GUCY1A2: variants seen among roughly 807,000 people sequenced by gnomAD.
GUCY1A2 encodes the protein guanylate cyclase soluble subunit alpha-2.
Under a neutral mutation model 63.5 loss-of-function variants are expected in GUCY1A2, and 27 were observed. The observed-to-expected ratio is 0.43, with a 90% CI of 0.31 to 0.59. GUCY1A2 has a LOEUF of 0.59. Ranked by LOEUF, GUCY1A2 falls within the 20% of genes least tolerant of loss-of-function variation. The pLI, the probability that GUCY1A2 is intolerant of heterozygous loss-of-function variation, is 0.11. For missense variants in GUCY1A2, 768 were observed against 913.3 expected (o/e 0.84, Z 2.05); for synonymous variants, 364 against 343.5 (o/e 1.06, Z -0.66).
At chr11:106,739,261 G>A (rs1863647093) in intron 6 of GUCY1A2, among the ~76,000 whole-genome samples, 1 of 152,154 alleles carries the variant, frequency 6.6e-6, no homozygotes, top group South Asian at 2.1e-4. Flanking sequence ...AGATGTTGCT[G>A]AAGTTGCTTT....
At chr11:106,804,294 CAT>C (rs1379858298) in intron 5 of GUCY1A2, among the ~76,000 whole-genome samples, 3 of 152,050 alleles carry the variant, frequency 2.0e-5, no homozygotes, top group Non-Finnish European at 4.4e-5. Context: ...AGAGAACTAA[CAT>C]AAATCTGAAA....
At chr11:106,811,008 T>C (rs901180596) in intron 4 of GUCY1A2, among the ~76,000 whole-genome samples, 1 of 152,096 alleles carries the variant, frequency 6.6e-6, no homozygotes, top group African/African-American at 2.4e-5. Flanking sequence ...ACTTGTTAGG[T>C]TAGTGGACAG....
intron 6 of GUCY1A2, among the ~76,000 whole-genome samples, chr11:106,729,929 G>A (rs1283215746): frequency 1.3e-5 from 2 of 151,042 alleles, no homozygotes; most frequent in African/African-American, 4.9e-5. Context: ...AATTATCTTT[G>A]TGGAATGCAT....
rs185912889 is a variant in GUCY1A2 at position 106,704,988 on chromosome 11, T to C, written c.1991+3524A>G. Among the ~76,000 whole-genome samples, 9 of 151,766 alleles carry C rather than the reference T, an allele frequency of 5.9e-5. No homozygotes were observed. The East Asian group carries it at 1.7e-3, about 29-fold the overall frequency. On this transcript the variant is annotated intron_variant, in intron 7 of 7. Transcript: ENST00000526355. ...ATCCCATAAAAAACTTATCCCATCA[T>C]TGGGATGATGGGAACAAAAATGTGT...
At chr11:106,703,255 A>G (rs1468330436) in intron 7 of GUCY1A2, among the ~76,000 whole-genome samples, 1 of 152,130 alleles carries the variant, frequency 6.6e-6, no homozygotes, top group Non-Finnish European at 1.5e-5. Flanking sequence ...ATACTCCTTA[A>G]TAAACTCCCC....
At chr11:106,942,498 A>T (rs555166872) in intron 3 of GUCY1A2, among the ~76,000 whole-genome samples, 2 of 152,202 alleles carry the variant, frequency 1.3e-5, no homozygotes, top group Non-Finnish European at 2.9e-5. Flanking sequence ...CAGAATAAAT[A>T]AAAATTCCTA....
chr11:106,843,774 T>C (rs1428154907), intron 4 of GUCY1A2, among the ~76,000 whole-genome samples: 1 of 151,926 alleles, frequency 6.6e-6, no homozygotes, highest in Non-Finnish European at 1.5e-5. Context: ...CCTGACACAA[T>C]ACTAATTATT....
chr11:106,813,342 C>A (rs1858789565), intron 4 of GUCY1A2, among the ~76,000 whole-genome samples: 1 of 151,860 alleles, frequency 6.6e-6, no homozygotes, highest in Non-Finnish European at 1.5e-5. Context: ...TTCTGTTAAA[C>A]TATCTTCATT....
At chr11:106,753,421 T>G (rs1267149775) in intron 6 of GUCY1A2, among the ~76,000 whole-genome samples, 3 of 152,216 alleles carry the variant, frequency 2.0e-5, no homozygotes, top group Non-Finnish European at 4.4e-5. Flanking sequence ...CTTTTGGTTT[T>G]AGTCATGAAG....
intron 6 of GUCY1A2, among the ~76,000 whole-genome samples, chr11:106,765,963 C>A (rs1245330439): frequency 1.3e-5 from 2 of 152,116 alleles, no homozygotes; most frequent in African/African-American, 2.4e-5. Context: ...CATTTACACA[C>A]AAGGTGACAA....
chr11:106,731,501 C>T lies in GUCY1A2; in HGVS notation c.1837-22835G>A, dbSNP rs544635706. 7.9e-5 allele frequency among the ~76,000 whole-genome samples: 12 copies of T among 152,138 alleles called. No homozygotes were observed. In the South Asian group the frequency reaches 2.5e-3, roughly 32 times the overall value. On this transcript the variant is annotated intron_variant, in intron 6 of 7. Coordinates refer to ENST00000526355, the MANE Select transcript of GUCY1A2 (RefSeq NM_000855.3). ...AAGACAAGGATGCCCTCTCTCAACA[C>T]TCCTATTCAAGATAGTACTAGAAGT...
At chr11:106,930,117 A>G (rs559516328) in intron 4 of GUCY1A2, among the ~76,000 whole-genome samples, 1 of 152,332 alleles carries the variant, frequency 6.6e-6, no homozygotes, top group African/African-American at 2.4e-5. Context: ...ATGTTTAAAT[A>G]TGTCTTCAGT....
At chr11:106,781,372 T>C (rs531665254) in intron 5 of GUCY1A2, among the ~76,000 whole-genome samples, 5 of 152,316 alleles carry the variant, frequency 3.3e-5, no homozygotes, top group Non-Finnish European at 4.4e-5. Flanking sequence ...TTTCTGAACA[T>C]AGAAGAGGAG....
chr11:106,898,781 G>A (rs978238598), intron 4 of GUCY1A2, among the ~76,000 whole-genome samples: 24 of 152,148 alleles, frequency 1.6e-4, no homozygotes, highest in African/African-American at 5.8e-4. Flanking sequence ...TGGTGGACAT[G>A]TCATTATACA....
intron 2 of GUCY1A2, among the ~76,000 whole-genome samples, chr11:106,980,766 A>G (rs1861324253): frequency 1.3e-5 from 2 of 152,162 alleles, no homozygotes; most frequent in Non-Finnish European, 2.9e-5. Context: ...TGTACACCTC[A>G]TTGAGATCAG....
intron 6 of GUCY1A2, among the ~76,000 whole-genome samples, chr11:106,738,895 G>A (rs1863638689): frequency 6.6e-6 from 1 of 152,060 alleles, no homozygotes; most frequent in African/African-American, 2.4e-5. Flanking sequence ...GGTTCCATAT[G>A]AAATTTAAAG....
intron 4 of GUCY1A2, among the ~76,000 whole-genome samples, chr11:106,906,868 A>G (rs756577917): frequency 1.3e-5 from 2 of 152,130 alleles, no homozygotes; most frequent in Non-Finnish European, 2.9e-5. Flanking sequence ...CCTCACTCAT[A>G]GGTGGGAGTT....
intron 5 of GUCY1A2, among the ~76,000 whole-genome samples, chr11:106,777,330 C>T (rs368170956): frequency 4.6e-5 from 7 of 151,772 alleles, no homozygotes; most frequent in Non-Finnish European, 8.8e-5. Context: ...GCCTGTGGTC[C>T]CAGCTAGTAG....
intron 3 of GUCY1A2, among the ~76,000 whole-genome samples, chr11:106,950,577 C>T (rs1316644998): frequency 1.3e-5 from 2 of 152,092 alleles, no homozygotes; most frequent in Non-Finnish European, 2.9e-5. Flanking sequence ...GTCTCTTACC[C>T]GCTGGTGAAG....
Sources: gnomAD v4.1 joint callset for allele counts (sites outside exome capture counted in the v4.1 genomes callset) on GRCh38, gnomAD v4.1.1 for gene constraint, MANE v1.5 for transcripts, NCBI Gene and HGNC (gene_info 2026-07-23, HGNC 2026-07-21) for gene names.